The following KLHL1 variants were observed in gnomAD, a reference collection of about 807,000 sequenced individuals.
KLHL1 encodes kelch like family member 1.
In KLHL1, 47 loss-of-function variants were observed where a neutral mutation model predicts 77.7. The ratio of observed to expected loss-of-function variants is 0.60; its 90% confidence interval spans 0.48 to 0.77. KLHL1 has a LOEUF of 0.77. Ranked by LOEUF, KLHL1 falls within the 30% of genes least tolerant of loss-of-function variation. KLHL1 has a pLI of 0.00. For synonymous variants in KLHL1, 360 were observed against 325.2 expected (o/e 1.11, Z -1.15); for missense variants, 925 against 910.8 (o/e 1.02, Z -0.20).
intron 4 of KLHL1, among the ~76,000 whole-genome samples, chr13:69,900,534 C>T (rs1881817811): frequency 6.6e-6 from 1 of 152,102 alleles, no homozygotes; most frequent in Admixed American, 6.6e-5. Context: ...TTACCCACAC[C>T]TTTAGGATTT....
chr13:69,837,204 A>T (rs1041267002), intron 6 of KLHL1, among the ~76,000 whole-genome samples: 1 of 151,784 alleles, frequency 6.6e-6, no homozygotes, highest in Non-Finnish European at 1.5e-5. Flanking sequence ...TTTTTCATCT[A>T]GGTGTATATT....
intron 1 of KLHL1, among the ~76,000 whole-genome samples, chr13:70,038,632 A>G (rs1239334137): frequency 8.7e-6 from 1 of 115,524 alleles, no homozygotes; most frequent in African/African-American, 3.3e-5. Context: ...CTTGTCGCTC[A>G]GGGTGGAGTG....
chr13:69,984,496 G>A (rs1011930059), intron 1 of KLHL1, among the ~76,000 whole-genome samples: 3 of 152,088 alleles, frequency 2.0e-5, no homozygotes, highest in African/African-American at 4.8e-5. Context: ...AAAGATTAGG[G>A]TGGGGCAGCC....
chr13:69,744,201 A>G (rs917222563), intron 7 of KLHL1, among the ~76,000 whole-genome samples: 5 of 152,162 alleles, frequency 3.3e-5, no homozygotes, highest in African/African-American at 9.6e-5. Flanking sequence ...AAGAGAAAAC[A>G]AAGAAAATAG....
At chr13:69,747,057 C>T (rs530643964) in intron 7 of KLHL1, among the ~76,000 whole-genome samples, 8 of 152,118 alleles carry the variant, frequency 5.3e-5, no homozygotes, top group Admixed American at 3.9e-4. Context: ...TGGAGAAAGT[C>T]GAAACAAATG....
intron 6 of KLHL1, among the ~76,000 whole-genome samples, chr13:69,825,620 G>A (rs2138085317): frequency 6.6e-6 from 1 of 152,058 alleles, no homozygotes; most frequent in South Asian, 2.1e-4. Flanking sequence ...GATGGGACTG[G>A]AGAGAGACTG....
chr13:70,098,196 G>C (rs1887839550), intron 1 of KLHL1, among the ~76,000 whole-genome samples: 1 of 151,638 alleles, frequency 6.6e-6, no homozygotes, highest in African/African-American at 2.4e-5. Context: ...ACTCTTCTAT[G>C]ATTATCTCAA....
chr13:69,810,231 A>AAT (rs996523587), intron 6 of KLHL1, among the ~76,000 whole-genome samples: 1 of 152,128 alleles, frequency 6.6e-6, no homozygotes, highest in African/African-American at 2.4e-5. Context: ...ACAGCCACAG[A>AAT]ATATATATTC....
intron 1 of KLHL1, among the ~76,000 whole-genome samples, chr13:70,032,349 A>G (rs531942272): frequency 6.6e-6 from 1 of 152,340 alleles, no homozygotes; most frequent in African/African-American, 2.4e-5. Context: ...TCTGAAGCCA[A>G]TGTGCTTAAA....
chr13:69,901,795 C>CTTTTTTTTTT, intron 4 of KLHL1, among the ~76,000 whole-genome samples: 1 of 40,840 alleles, frequency 2.4e-5, no homozygotes, highest in African/African-American at 9.6e-5. Context: ...TTCTTTTTTT[C>CTTTTTTTTTT]TTTTTTTTTT....
At chr13:69,928,119 T>C (rs1328686973) in intron 4 of KLHL1, among the ~76,000 whole-genome samples, 1 of 152,178 alleles carries the variant, frequency 6.6e-6, no homozygotes, top group Non-Finnish European at 1.5e-5. Flanking sequence ...GACATTAGAA[T>C]CATTAGGCTT....
chr13:69,916,939 G>T (rs755193009), intron 4 of KLHL1, among the ~76,000 whole-genome samples: 5 of 151,836 alleles, frequency 3.3e-5, no homozygotes, highest in African/African-American at 9.7e-5. Flanking sequence ...AAAGAAAAAC[G>T]TGCAGAAGAG....
At chr13:70,067,129 C>T (rs1593716336) in intron 1 of KLHL1, among the ~76,000 whole-genome samples, 1 of 152,156 alleles carries the variant, frequency 6.6e-6, no homozygotes, top group South Asian at 2.1e-4. Flanking sequence ...ATTACGTGAT[C>T]ATCCAGTTAC....
chr13:69,997,650 C>A (rs1033620104), intron 1 of KLHL1, among the ~76,000 whole-genome samples: 1 of 144,020 alleles, frequency 6.9e-6, no homozygotes, highest in Non-Finnish European at 1.5e-5. Context: ...CTTTTCTTAG[C>A]TGACTAAATA....
At chr13:69,863,873 G>T (rs569981432) in intron 5 of KLHL1, among the ~76,000 whole-genome samples, 13 of 152,036 alleles carry the variant, frequency 8.6e-5, no homozygotes, top group African/African-American at 2.9e-4. Flanking sequence ...TATTTAGGCT[G>T]ATATTCTCTT....
At chr13:69,978,063 T>C (rs998900917) in intron 1 of KLHL1, among the ~76,000 whole-genome samples, 3 of 152,114 alleles carry the variant, frequency 2.0e-5, no homozygotes, top group Non-Finnish European at 4.4e-5. Context: ...TTTCACAAGT[T>C]CGCAAATTAC....
At chr13:69,785,182 G>A (rs75270827) in intron 7 of KLHL1, among the ~76,000 whole-genome samples, 5,719 of 151,904 alleles carry the variant, frequency 0.038, 137 homozygotes, top group Middle Eastern at 0.068. Flanking sequence ...GTGAGCCACC[G>A]CGCCCGGCCC....
intron 4 of KLHL1, among the ~76,000 whole-genome samples, chr13:69,919,743 G>A (rs1882571278): frequency 1.3e-5 from 2 of 152,142 alleles, no homozygotes; most frequent in South Asian, 4.2e-4. Flanking sequence ...TCAGATATTT[G>A]GCTTTCTGTT....
intron 1 of KLHL1, among the ~76,000 whole-genome samples, chr13:70,059,704 T>C (rs1450486113): frequency 6.6e-6 from 1 of 152,176 alleles, no homozygotes; most frequent in African/African-American, 2.4e-5. Flanking sequence ...AGAAGTTTAA[T>C]TGACTCACAG....
Sources: allele counts gnomAD v4.1 joint callset (sites outside exome capture counted in the v4.1 genomes callset), GRCh38; gene constraint gnomAD v4.1.1; transcripts MANE v1.5; gene names NCBI Gene and HGNC (gene_info 2026-07-23, HGNC 2026-07-21).